Variants in RAB3GAP2 observed in about 807,000 individuals in gnomAD.
The protein encoded by RAB3GAP2 is RAB3 GTPase activating non-catalytic protein subunit 2, also known as rab3 GTPase-activating protein non-catalytic subunit.
In RAB3GAP2, 87 loss-of-function variants were observed where a neutral mutation model predicts 185.3. That is an observed-to-expected ratio of 0.47 (90% CI 0.39 to 0.56). RAB3GAP2 has a LOEUF of 0.56. Ranked by LOEUF, RAB3GAP2 falls within the 20% of genes least tolerant of loss-of-function variation. The pLI is 0.00. For missense variants in RAB3GAP2, 1,492 were observed against 1,638.2 expected (o/e 0.91, Z 1.54); for synonymous variants, 554 against 576.1 (o/e 0.96, Z 0.55).
intron 2 of RAB3GAP2, among the ~76,000 whole-genome samples, chr1:220,225,906 A>T (rs749552613): frequency 6.6e-6 from 1 of 152,170 alleles, no homozygotes; most frequent in Non-Finnish European, 1.5e-5. Flanking sequence ...CCAGATTATT[A>T]ATGTTCTAGG....
chr1:220,266,412 A>T, intron 1 of RAB3GAP2: 1 of 441,782 alleles, frequency 2.3e-6, no homozygotes. Context: ...TCCTGGGAGG[A>T]CACCATGCCT....
At chr1:220,254,282 A>G in intron 1 of RAB3GAP2, 1 of 1,613,544 alleles carries the variant, frequency 6.2e-7, no homozygotes, top group Middle Eastern at 1.7e-4. Context: ...TATAAATTTG[A>G]GAGACCACAG....
intron 21 of RAB3GAP2, among the ~76,000 whole-genome samples, chr1:220,178,150 T>A (rs1253113789): frequency 6.6e-6 from 1 of 151,900 alleles, no homozygotes; most frequent in Non-Finnish European, 1.5e-5. Flanking sequence ...ATGTTCAGAG[T>A]GTTAAAGGAA....
chr1:220,153,535 AG>A, intron 32 of RAB3GAP2, 129 bp from the exon 33 acceptor site: 1 of 809,702 alleles, frequency 1.2e-6, no homozygotes, highest in Non-Finnish European at 2.1e-6. Flanking sequence ...TTATCAAAAA[AG>A]GAACACATCA....
At chr1:220,252,982 G>A (rs1344640212) in intron 1 of RAB3GAP2, among the ~76,000 whole-genome samples, 1 of 152,216 alleles carries the variant, frequency 6.6e-6, no homozygotes, top group Admixed American at 6.5e-5. Context: ...CCAGCCAATG[G>A]TGGCAGATTG....
Position 220,151,763 on chromosome 1 carries a change from G to A in RAB3GAP2, c.3869C>T (p.Ala1290Val). Residue 1290 changes from alanine (A) to valine (V), a missense_variant and splice_region_variant, in exon 34 of 35, where the codon GCC becomes GTC. This residue lies in a region of RAB3GAP2 where 387 missense variants were observed against 455.3 expected (regional missense o/e 0.85). Transcript: ENST00000358951. ...NYGVDHLGEE[A>V]ILQVHDKEVL... ...CTCTTTGTCATGAACCTGTAGAATG[G>A]CCTGAAGATAGGAACATGGAGAAAT... 6.2e-7 allele frequency: 1 copy of A among 1,604,986 alleles called. No homozygotes were observed. Among genetic ancestry groups the A allele is most frequent in the Non-Finnish European group, 8.5e-7 (1 of 1,171,724 alleles).
intron 1 of RAB3GAP2, chr1:220,254,022 G>T: frequency 1.9e-6 from 3 of 1,613,942 alleles, no homozygotes; most frequent in Non-Finnish European, 1.7e-6. Context: ...AAACATTCAT[G>T]AACAGAGTTG....
At chr1:220,208,099 A>C (rs1049812282) in intron 7 of RAB3GAP2, 16 of 152,180 alleles carry the variant, frequency 1.1e-4, no homozygotes, top group African/African-American at 3.1e-4. Flanking sequence ...AAATTTTGAG[A>C]TGATTTTCTT....
At chr1:220,226,989 T>A (rs1659414277) in intron 2 of RAB3GAP2, among the ~76,000 whole-genome samples, 1 of 152,180 alleles carries the variant, frequency 6.6e-6, no homozygotes, top group Admixed American at 6.5e-5. Flanking sequence ...AGAAAGCAGT[T>A]GTCTGCAAGC....
chr1:220,189,705 GT>G lies in RAB3GAP2; in HGVS notation c.1776del (p.Lys592AsnfsTer25). Reference protein sequence around the residue: ...ILDIKYPATKKQALESILASE... With the variant: ...ILDIKYPATKXQALESILASE... ...GTTCGTGTATTATATACACTTACTT[GT>G]TTTTTGGTTGCAGGGTATTTAATAT... On this transcript the variant is annotated frameshift_variant, in exon 17 of 35. Transcript: ENST00000358951. LOFTEE classifies it high-confidence loss of function. 4 of 1,562,342 alleles carry G rather than the reference GT, an allele frequency of 2.6e-6. No individual in the cohort carries two copies. The highest frequency in any genetic ancestry group is 2.3e-5 in the South Asian group (2 of 87,406).
At chr1:220,223,045 T>C (rs1659336535) in intron 2 of RAB3GAP2, among the ~76,000 whole-genome samples, 1 of 152,228 alleles carries the variant, frequency 6.6e-6, no homozygotes, top group South Asian at 2.1e-4. Context: ...TTGCTTTGTT[T>C]TGTTTTTGTT....
intron 2 of RAB3GAP2, among the ~76,000 whole-genome samples, chr1:220,226,366 C>T (rs1411259754): frequency 6.6e-6 from 1 of 152,050 alleles, no homozygotes; most frequent in Non-Finnish European, 1.5e-5. Context: ...AAAATATTCT[C>T]CTCTAATTAC....
At chr1:220,187,096 A>G (rs924230051) in intron 17 of RAB3GAP2, among the ~76,000 whole-genome samples, 9 of 151,458 alleles carry the variant, frequency 5.9e-5, no homozygotes, top group Admixed American at 3.9e-4. Context: ...AGAAATCACT[A>G]TTCACTAAAT....
At position 220,193,318 on chromosome 1, in the gene RAB3GAP2, G is replaced by T; in HGVS notation, c.1192C>A (p.Leu398Met). 1.2e-6 allele frequency: 2 copies of T among 1,613,980 alleles called. No homozygotes were observed. Among genetic ancestry groups the T allele is most frequent in the Non-Finnish European group, 1.7e-6 (2 of 1,179,918 alleles). The stretch of plus-strand genomic sequence containing the variant: ...CCGAAATCATCTGTTACTGCTGCCA[G>T]TGTGTTACATGGAGACAGACATATG... Reference protein sequence around the residue: ...ESICLSPCNTLAAVTDDFGRV... With the variant: ...ESICLSPCNTMAAVTDDFGRV... The change falls in exon 13 of 35, where the codon CTG becomes ATG. Residue 398 changes from leucine to methionine, a missense_variant. By Grantham distance (15) the Leu-to-Met change is conservative (BLOSUM62 2). Transcript: ENST00000358951.
intron 26 of RAB3GAP2, among the ~76,000 whole-genome samples, chr1:220,165,446 T>C (rs1249794712): frequency 2.0e-5 from 3 of 152,088 alleles, no homozygotes; most frequent in Non-Finnish European, 2.9e-5. Context: ...AAATACAGTA[T>C]ACAACACTGA....
At chr1:220,190,180 T>C (rs868328522) in intron 15 of RAB3GAP2, 34 bp from the exon 16 acceptor site, 1 of 1,574,382 alleles carries the variant, frequency 6.4e-7, no homozygotes. Flanking sequence ...TATTACAGAA[T>C]GTGAAATTAT....
intron 21 of RAB3GAP2, among the ~76,000 whole-genome samples, chr1:220,177,938 G>C (rs1658326938): frequency 6.6e-6 from 1 of 152,182 alleles, no homozygotes; most frequent in African/African-American, 2.4e-5. Flanking sequence ...AGAATATACA[G>C]GTACAGGAAG....
intron 21 of RAB3GAP2, 121 bp from the exon 22 acceptor site, chr1:220,172,863 T>C: frequency 1.4e-6 from 1 of 696,140 alleles, no homozygotes; most frequent in Non-Finnish European, 2.6e-6. Context: ...GTGAAAAAAT[T>C]AGTGGTTGCT....
In RAB3GAP2 at chr1:220,157,374, G is replaced by C; in HGVS notation, c.3451C>G (p.His1151Asp). The C allele has an allele frequency of 6.2e-7, 1 of 1,613,756 alleles. No individual in the cohort carries two copies. The highest frequency in any genetic ancestry group is 1.3e-5 in the African/African-American group (1 of 74,878). ...VELALEQKHIHYPLVEHHSIL... is the reference protein window; with the variant it reads ...VELALEQKHIDYPLVEHHSIL... The stretch of plus-strand genomic sequence containing the variant: ...GAGTGGTGCTCCACCAGTGGGTAGT[G>C]GATGTGCTTCTGTTCAAGGGCCAGT... Residue 1151 changes from histidine to aspartate, a missense_variant, in exon 31 of 35, where the codon CAC becomes GAC. His to Asp is a moderately conservative substitution (Grantham distance 81). Coordinates refer to ENST00000358951, the MANE Select transcript of RAB3GAP2 (RefSeq NM_012414.4).
Sources: allele counts gnomAD v4.1 joint callset (sites outside exome capture counted in the v4.1 genomes callset), GRCh38; gene constraint gnomAD v4.1.1; regional missense constraint gnomAD v4.1.1; transcripts MANE v1.5; gene names NCBI Gene and HGNC (gene_info 2026-07-23, HGNC 2026-07-21).